The following CEACAM19 variants were observed in gnomAD, a reference collection of about 807,000 sequenced individuals.
CEACAM19 encodes CEA cell adhesion molecule 19.
CEACAM19 carries 37 observed loss-of-function variants against 37.6 expected under a neutral mutation model. The ratio of observed to expected loss-of-function variants is 0.98; its 90% CI spans 0.76 to 1.29. CEACAM19 has a LOEUF of 1.29. Among genes scored for constraint, CEACAM19 ranks in the 50% most tolerant of loss-of-function variants. The pLI is 0.00. For synonymous variants in CEACAM19, 140 were observed against 149.8 expected (o/e 0.93, Z 0.48); for missense variants, 340 against 375.6 (o/e 0.91, Z 0.78).
chr19:44,667,874 T>A (rs1201768803), upstream of CEACAM19, among the ~76,000 whole-genome samples: 1 of 73,746 alleles, frequency 1.4e-5, no homozygotes, highest in Non-Finnish European at 2.2e-5. Flanking sequence ...ATATATAATA[T>A]ATAAATATAT....
upstream of CEACAM19, among the ~76,000 whole-genome samples, chr19:44,668,395 TATA>T (rs1471923871): frequency 3.7e-5 from 2 of 54,448 alleles, no homozygotes; most frequent in East Asian, 7.7e-4. Flanking sequence ...AATATATTTA[TATA>T]ATATGTTTAT....
intron 1 of CEACAM19, among the ~76,000 whole-genome samples, chr19:44,672,295 A>C (rs1429615271): frequency 1.3e-5 from 2 of 152,190 alleles, no homozygotes; most frequent in Non-Finnish European, 2.9e-5. Flanking sequence ...TATGCCTATA[A>C]GTATTGGTTG....
intron 2 of CEACAM19, among the ~76,000 whole-genome samples, chr19:44,675,478 G>A (rs981002027): frequency 6.6e-6 from 1 of 151,934 alleles, no homozygotes; most frequent in Admixed American, 6.6e-5. Context: ...ATCATCAACC[G>A]AAGTGAGAAA....
At chr19:44,667,630 A>AT (rs1351050137), upstream of CEACAM19, among the ~76,000 whole-genome samples, 1 of 92,152 alleles carries the variant, frequency 1.1e-5, no homozygotes, top group African/African-American at 5.0e-5. Context: ...TTATAAATAT[A>AT]TAAATATATA....
chr19:44,679,005 T>C (rs956776410), intron 4 of CEACAM19, 69 bp downstream of exon 4: 11 of 1,587,996 alleles, frequency 6.9e-6, no homozygotes, highest in African/African-American at 1.3e-5. Flanking sequence ...AGTACTTTTG[T>C]TTTCAGAGTC....
upstream of CEACAM19, among the ~76,000 whole-genome samples, chr19:44,667,711 A>T (rs868649902): frequency 0.013 from 1,045 of 78,232 alleles, 6 homozygotes; most frequent in Non-Finnish European, 0.02. Flanking sequence ...TATTATATAA[A>T]TATATATAAA....
chr19:44,683,749 G>T lies in CEACAM19; in HGVS notation c.*259G>T. 2.6e-6 allele frequency: 1 copy of T among 381,894 alleles called. No homozygotes were observed. Among genetic ancestry groups the T allele is most frequent in the East Asian group, 3.8e-5 (1 of 26,634 alleles). 23.7% of individuals were successfully genotyped at this position (381,894 alleles called of 1,614,324 possible). ...TCAAGCAAGCTGGCCTGGGCCATGT[G>T]CCTGTGAAAGGCAGGCTCTGGCCCC... On this transcript the variant is annotated 3_prime_UTR_variant, in exon 8 of 8. Transcript: ENST00000358777.
At chr19:44,682,117 G>A (rs1006460455) in intron 6 of CEACAM19, among the ~76,000 whole-genome samples, 4 of 152,058 alleles carry the variant, frequency 2.6e-5, no homozygotes, top group Non-Finnish European at 5.9e-5. Context: ...AGGCATGGTG[G>A]TGTGCACCTA....
intron 3 of CEACAM19, chr19:44,678,321 T>C (rs146738792): frequency 6.6e-6 from 1 of 152,350 alleles, no homozygotes; most frequent in East Asian, 1.9e-4. Context: ...GATCTCCCTG[T>C]GTTGCCCTGG....
At chr19:44,669,001 G>T (rs563347234), upstream of CEACAM19, among the ~76,000 whole-genome samples, 79 of 149,564 alleles carry the variant, frequency 5.3e-4, no homozygotes, top group Non-Finnish European at 9.8e-4. Flanking sequence ...TGCATTTTTA[G>T]TAGAGACAGG....
intron 1 of CEACAM19, 82 bp downstream of exon 1, chr19:44,672,068 G>T: frequency 8.7e-7 from 1 of 1,152,406 alleles, no homozygotes. Context: ...TAGAAGTAGG[G>T]AAAGATTACC....
chr19:44,682,047 C>T (rs967120725), intron 6 of CEACAM19, among the ~76,000 whole-genome samples: 2 of 152,068 alleles, frequency 1.3e-5, no homozygotes, highest in African/African-American at 2.4e-5. Flanking sequence ...TGCTTGAGGC[C>T]GGGAGTTTGA....
At chr19:44,682,889 G>A (rs1974087743) in intron 7 of CEACAM19, 1 of 420,232 alleles carries the variant, frequency 2.4e-6, no homozygotes, top group African/African-American at 2.1e-5. Context: ...CCCAGAGAGG[G>A]ACAGGGGATT....
chr19:44,682,717 G>C (rs1430024059), intron 7 of CEACAM19, 97 bp downstream of exon 7: 1 of 1,164,244 alleles, frequency 8.6e-7, no homozygotes, highest in African/African-American at 1.6e-5. Flanking sequence ...GAAACTGGGG[G>C]CTTTCCTCCC....
chr19:44,681,366 C>G, intron 6 of CEACAM19, 54 bp downstream of exon 6: 1 of 1,235,824 alleles, frequency 8.1e-7, no homozygotes, highest in Non-Finnish European at 1.2e-6. Context: ...GGCGCCTCCT[C>G]TCTGAGCTGG....
rs746491988 is a variant in CEACAM19 at position 44,672,712 on chromosome 19, G to A, written c.172G>A (p.Asp58Asn). The stretch of plus-strand genomic sequence containing the variant: ...TCTCCTGTCAGTCCAGGGTGTCCCA[G>A]ACACCTTCCAGGACTTCAACTGGTA... ...DLLLSVQGVP[D>N]TFQDFNWYLG... Residue 58 changes from aspartate to asparagine, a missense_variant, in exon 2 of 8, where the codon GAC becomes AAC. Coordinates refer to ENST00000358777, the MANE Select transcript of CEACAM19 (RefSeq NM_001127893.3). 7.0e-6 allele frequency: 11 copies of A among 1,580,696 alleles called. No homozygotes were observed. The highest frequency in any genetic ancestry group is 8.6e-6 in the Non-Finnish European group (10 of 1,162,500).
At chr19:44,672,011 G>A (rs1346423846) in intron 1 of CEACAM19, 25 bp downstream of exon 1, 2 of 1,581,656 alleles carry the variant, frequency 1.3e-6, no homozygotes, top group East Asian at 4.5e-5. Flanking sequence ...GACCCTAAAG[G>A]CCAAGGGGAG....
At chr19:44,675,512 C>T (rs188858410) in intron 2 of CEACAM19, among the ~76,000 whole-genome samples, 33 of 152,154 alleles carry the variant, frequency 2.2e-4, no homozygotes, top group Admixed American at 1.6e-3. Flanking sequence ...TGGGTCTGGG[C>T]TCGGTGGCCA....
chr19:44,669,825 C>T (rs1264152475), upstream of CEACAM19, among the ~76,000 whole-genome samples: 1 of 152,166 alleles, frequency 6.6e-6, no homozygotes, highest in Non-Finnish European at 1.5e-5. Context: ...GACTCCTGGG[C>T]TCCTCCATCC....
Sources: allele counts gnomAD v4.1 joint callset (sites outside exome capture counted in the v4.1 genomes callset), GRCh38; gene constraint gnomAD v4.1.1; transcripts MANE v1.5; gene names NCBI Gene and HGNC (gene_info 2026-07-23, HGNC 2026-07-21).